The following HYKK variants were observed in gnomAD, a reference collection of about 807,000 sequenced individuals.
The protein encoded by HYKK is 5-hydroxy-L-lysine kinase.
A neutral mutation model predicts 29.7 loss-of-function variants in HYKK; 19 were observed. The ratio of observed to expected loss-of-function variants is 0.64; its 90% CI spans 0.45 to 0.94. The LOEUF (loss-of-function observed/expected upper bound fraction) is 0.94. Ranked by LOEUF, HYKK falls within the 40% of genes least tolerant of loss-of-function variation. HYKK has a pLI of 0.00. For synonymous variants in HYKK, 152 were observed against 158.1 expected, an observed-to-expected ratio of 0.96 and a Z score of 0.29; for missense variants, 390 against 443.4, an observed-to-expected ratio of 0.88 and a Z score of 1.08.
intron 3 of HYKK, among the ~76,000 whole-genome samples, chr15:78,520,178 C>A (rs1310880957): frequency 6.6e-6 from 1 of 152,146 alleles, no homozygotes; most frequent in Non-Finnish European, 1.5e-5. Flanking sequence ...GTTGCTCATC[C>A]CCTCACCCAG....
intron 3 of HYKK, among the ~76,000 whole-genome samples, chr15:78,520,960 G>A (rs548239904): frequency 4.0e-4 from 61 of 151,680 alleles, no homozygotes; most frequent in Admixed American, 7.2e-4. Context: ...CTGGCCGGGC[G>A]GGGGGCTGAC....
chr15:78,525,012 A>G lies in HYKK; in HGVS notation c.478-2368A>G, dbSNP rs75038541. 4.4e-3 allele frequency among the ~76,000 whole-genome samples: 667 copies of G among 152,270 alleles called. 4 individuals are homozygous for G. The highest frequency in any genetic ancestry group is 0.015 in the African/African-American group (626 of 41,538). ...TGGTGGGGACACAGATCCAAAACAT[A>G]TCAAGAAGTATTCAAACAGGCTACG... On this transcript the variant is annotated intron_variant, in intron 3 of 4. Transcript: ENST00000388988.
At position 78,533,481 on chromosome 15, in the gene HYKK, T is replaced by A; in HGVS notation, c.933T>A (p.Ser311Arg). Reference sequence around the variant, plus strand: ...GTGCTTTGTTTTTACTTGTATGCAGTCGTTTTTGTCAGTCACTTGTCATGG... The same window carrying A: ...GTGCTTTGTTTTTACTTGTATGCAGACGTTTTTGTCAGTCACTTGTCATGG... ...EKGALFLLVC[S>R]RFCQSLVMAA... is the part of the protein sequence containing the mutation. The change falls in exon 5 of 5, where the codon AGT (serine) becomes AGA (arginine). Residue 311 changes from serine (S) to arginine (R), a missense_variant. Physicochemically the swap from Ser to Arg is moderately radical, Grantham distance 110 (BLOSUM62 -1). Coordinates refer to ENST00000388988, the MANE Select transcript of HYKK (RefSeq NM_001013619.4). 2 of 1,614,232 alleles carry A rather than the reference T, an allele frequency of 1.2e-6. No homozygotes were observed. The highest frequency in any genetic ancestry group is 2.2e-5 in the South Asian group (2 of 91,080).
intron 4 of HYKK, among the ~76,000 whole-genome samples, chr15:78,529,851 T>C (rs1468168761): frequency 3.9e-5 from 6 of 152,034 alleles, no homozygotes; most frequent in African/African-American, 1.2e-4. Context: ...TTCTAAATTT[T>C]TTTTTTGAGG....
At chr15:78,517,003 A>G (rs561472731) in intron 3 of HYKK, among the ~76,000 whole-genome samples, 53 of 151,888 alleles carry the variant, frequency 3.5e-4, no homozygotes, top group Non-Finnish European at 6.9e-4. Context: ...TGGGTGACAG[A>G]GCAAGACCTT....
rs2052093168 is a variant in HYKK, at chr15:78,513,271, A to G, written c.183A>G (p.Glu61=). 6.2e-7 allele frequency: 1 copy of G among 1,614,090 alleles called. No individual in the cohort carries two copies. Among genetic ancestry groups the G allele is most frequent in the Admixed American group, 1.7e-5 (1 of 60,002 alleles). ...CAAAAACCAAAGATGGCCCAACTGAATATGTCCTCAAAATAAGCAACACCA... is the reference window on the plus strand; with the variant it reads ...CAAAAACCAAAGATGGCCCAACTGAGTATGTCCTCAAAATAAGCAACACCA... ...YVSKTKDGPT[E]YVLKISNTKA... The change falls in exon 2 of 5, where the codon GAA becomes GAG. Residue 61 remains glutamate, a synonymous_variant. Coordinates refer to ENST00000388988, the MANE Select transcript of HYKK (RefSeq NM_001013619.4).
At chr15:78,516,372 G>T (rs1209813936) in intron 3 of HYKK, among the ~76,000 whole-genome samples, 9 of 147,034 alleles carry the variant, frequency 6.1e-5, no homozygotes, top group African/African-American at 2.0e-4. Context: ...TTGAGACAGG[G>T]TCTCACTCTG....
intron 1 of HYKK, among the ~76,000 whole-genome samples, chr15:78,512,856 A>G (rs1262678453): frequency 1.3e-5 from 2 of 152,186 alleles, no homozygotes; most frequent in Non-Finnish European, 2.9e-5. Flanking sequence ...TTGGGAGGTA[A>G]GTTTAAAAAT....
Position 78,517,090 on chromosome 15 carries a change from TTTC to T in HYKK, c.477+1986_477+1988del, listed in dbSNP as rs1453171796. Reference sequence around the variant, plus strand: ...GCTTGCATCAGGTCCTTTTCTTTTCTTTCTTTCTTTCTTTCTTTCTTTTTTTTT... The same window carrying T: ...GCTTGCATCAGGTCCTTTTCTTTTCTTTTCTTTCTTTCTTTCTTTTTTTTT... On this transcript the variant is annotated intron_variant, in intron 3 of 4. Transcript: ENST00000388988. 2.8e-3 allele frequency among the ~76,000 whole-genome samples: 160 copies of T among 58,114 alleles called. 3 individuals are homozygous for T. The South Asian group carries it at 0.083, about 30-fold the overall frequency. 38.1% of individuals were successfully genotyped at this position (58,114 alleles called of 152,430 possible). A position where few individuals can be genotyped will look rare whatever the true frequency, so the allele number is the denominator to read the frequency against.
At position 78,535,272 on chromosome 15, in the gene HYKK, T is replaced by C. The variant is rs908290015; in HGVS notation, c.*1602T>C. 1 of 91,444 alleles carries C rather than the reference T, an allele frequency of 1.1e-5. No individual in the cohort carries two copies. The highest frequency in any genetic ancestry group is 2.2e-5 in the Non-Finnish European group (1 of 44,792). The allele number at this position is 91,444 out of a possible 1,614,324, so 5.7% of individuals were successfully genotyped here. On this transcript the variant is annotated 3_prime_UTR_variant, in exon 5 of 5. Transcript: ENST00000388988. ...TCCCTCAATTTCATTTCATTTCTTT[T>C]TCTTTTCTTTTCTTTTCTTTTTTTT... is the stretch of plus-strand genomic sequence containing the variant.
At position 78,513,209 on chromosome 15, in the gene HYKK, C is replaced by A; in HGVS notation, c.121C>A (p.Pro41Thr). ...GLKVSKVRPL[P>T]SYDDQNFHVY... Reference sequence around the variant, plus strand: ...GAAAGTTTCCAAGGTCCGGCCACTTCCTAGCTATGATGACCAAAACTTTCA... The same window carrying A: ...GAAAGTTTCCAAGGTCCGGCCACTTACTAGCTATGATGACCAAAACTTTCA... Residue 41 changes from proline (P) to threonine (T), a missense_variant, in exon 2 of 5, where the codon CCT (proline) becomes ACT (threonine). By Grantham distance (38) the Pro-to-Thr change is conservative. Transcript: ENST00000388988. 1.9e-6 allele frequency: 3 copies of A among 1,614,156 alleles called. No individual in the cohort carries two copies. The highest frequency in any genetic ancestry group is 2.2e-5 in the East Asian group (1 of 44,884).
chr15:78,508,509 C>T (rs868072825), intron 1 of HYKK, among the ~76,000 whole-genome samples: 9 of 152,184 alleles, frequency 5.9e-5, no homozygotes, highest in South Asian at 2.1e-4. Flanking sequence ...GTTCCAGCCC[C>T]CTCCCGGCTG....
At chr15:78,512,369 G>A (rs1448069019) in intron 1 of HYKK, among the ~76,000 whole-genome samples, 1 of 151,216 alleles carries the variant, frequency 6.6e-6, no homozygotes, top group Non-Finnish European at 1.5e-5. Context: ...AGTCTGGAGA[G>A]CTGAATTCTT....
At chr15:78,522,736 G>A (rs559898018) in intron 3 of HYKK, among the ~76,000 whole-genome samples, 28 of 152,036 alleles carry the variant, frequency 1.8e-4, no homozygotes, top group Non-Finnish European at 3.2e-4. Context: ...AAAATTAACC[G>A]GACATGGTGA....
chr15:78,507,985 G>GAGCA (rs2052031366), intron 1 of HYKK, among the ~76,000 whole-genome samples: 3 of 152,126 alleles, frequency 2.0e-5, no homozygotes, highest in Admixed American at 2.0e-4. Flanking sequence ...GCGCCTGGCC[G>GAGCA]GTGTCTACTG....
intron 3 of HYKK, among the ~76,000 whole-genome samples, chr15:78,525,101 G>T (rs556328034): frequency 2.0e-5 from 3 of 151,988 alleles, no homozygotes; most frequent in Non-Finnish European, 4.4e-5. Context: ...TCAAACTCCC[G>T]GTCATAATAG....
rs75470656 is a variant in HYKK at position 78,521,098 on chromosome 15, G to A, written c.477+5991G>A. The stretch of plus-strand genomic sequence containing the variant: ...GTATTTTAGTCATGTAGGCATGGCC[G>A]AGGCTGTGGCTGCTCTGCTGGGGAC... On this transcript the variant is annotated intron_variant, in intron 3 of 4. Transcript: ENST00000388988. Among the ~76,000 whole-genome samples the A allele has an allele frequency of 2.6e-3, 401 of 152,326 alleles. 16 individuals are homozygous for A. The East Asian group carries it at 0.069, about 26-fold the overall frequency.
At chr15:78,528,334 G>T (rs747356907) in intron 4 of HYKK, 1 of 655,564 alleles carries the variant, frequency 1.5e-6, no homozygotes, top group African/African-American at 2.0e-5. Flanking sequence ...CCATCCTTCC[G>T]CTGTCTCCTG....
Position 78,513,382 on chromosome 15 carries a change from G to A in HYKK, c.294G>A (p.Val98=). ...LKAAGFPTAS[V]CHTKGDNTAS... ...CCGCTGGATTTCCAACAGCCTCTGT[G>A]TGTCACACTAAAGGAGACAACACAG... is the stretch of plus-strand genomic sequence containing the variant. Residue 98 remains valine, a synonymous_variant, in exon 2 of 5, where the codon GTG becomes GTA. Transcript: ENST00000388988. 1 of 1,614,144 alleles carries A rather than the reference G, an allele frequency of 6.2e-7. No homozygotes were observed. Among genetic ancestry groups the A allele is most frequent in the Non-Finnish European group, 8.5e-7 (1 of 1,180,030 alleles).
Sources: allele counts gnomAD v4.1 joint callset (sites outside exome capture counted in the v4.1 genomes callset), GRCh38; gene constraint gnomAD v4.1.1; transcripts MANE v1.5; gene names NCBI Gene and HGNC (gene_info 2026-07-23, HGNC 2026-07-21).